Variants in L3MBTL1 observed in about 807,000 individuals in gnomAD.
L3MBTL1 encodes lethal(3)malignant brain tumor-like protein 1.
L3MBTL1 carries 75 observed loss-of-function variants against 105.3 expected under a neutral mutation model. That is an observed-to-expected ratio of 0.71 (90% CI 0.59 to 0.86). L3MBTL1 has a LOEUF of 0.86. Ranked by LOEUF, L3MBTL1 falls within the 40% of genes least tolerant of loss-of-function variation. The pLI is 0.00. For missense variants in L3MBTL1, 1,069 were observed against 1,126.4 expected (o/e 0.95, Z 0.73); for synonymous variants, 452 against 436.2 (o/e 1.04, Z -0.45).
Position 43,548,238 on chromosome 20 carries a change from T to TA in L3MBTL1, c.2255dup (p.Ter753ValfsTer26). ...ATGTTCAAAAACGCTGATGACACCT[T>TA]AAAGTGACTGGCCCAGGGCTGGGCC... is the stretch of plus-strand genomic sequence containing the variant. On this transcript the variant is annotated frameshift_variant, in exon 19 of 19. Transcript: ENST00000422861. LOFTEE classifies it high-confidence loss of function. 2 of 1,303,890 alleles carry TA rather than the reference T, an allele frequency of 1.5e-6. No homozygotes were observed. The highest frequency in any genetic ancestry group is 2.0e-6 in the Non-Finnish European group (2 of 989,018). 80.8% of individuals were successfully genotyped at this position (1,303,890 alleles called of 1,614,324 possible).
intron 19 of L3MBTL1, chr20:43,539,922 G>C (rs150713843): frequency 1.9e-5 from 12 of 617,282 alleles, no homozygotes; most frequent in South Asian, 1.8e-4. Flanking sequence ...GGGTCATTCC[G>C]AATAGCTGAC....
At chr20:43,528,781 C>T (rs758581776) in intron 8 of L3MBTL1, 36 bp downstream of exon 8, 448 of 1,516,926 alleles carry the variant, frequency 3.0e-4, no homozygotes, top group Non-Finnish European at 3.9e-4. Context: ...AACAGCTTGT[C>T]TTCCTAGCCT....
chr20:43,523,490 T>G (rs1002547118), intron 7 of L3MBTL1: 10 of 254,580 alleles, frequency 3.9e-5, no homozygotes, highest in Non-Finnish European at 6.4e-5. Flanking sequence ...GCATAGTCAG[T>G]GATCCCTCCA....
Position 43,514,065 on chromosome 20 carries a change from AGT to A in L3MBTL1, c.360+7_360+8del. ...GCCCCCAGGGGGCGGCCTGCGGGTCAGTGTCTGTGGGGATTGGCTAAGCCTCG... is the reference window on the plus strand; with the variant it reads ...GCCCCCAGGGGGCGGCCTGCGGGTCAGTCTGTGGGGATTGGCTAAGCCTCG... On this transcript the variant is annotated splice_donor_5th_base_variant and intron_variant, in intron 3 of 21. Coordinates refer to ENST00000418998, the MANE Select transcript of L3MBTL1 (RefSeq NM_001377303.1). 6.5e-7 allele frequency: 1 copy of A among 1,532,240 alleles called. No homozygotes were observed. The highest frequency in any genetic ancestry group is 8.7e-7 in the Non-Finnish European group (1 of 1,145,258). 94.9% of individuals were successfully genotyped at this position (1,532,240 alleles called of 1,614,324 possible).
chr20:43,534,210 C>T, intron 14 of L3MBTL1, 74 bp from the exon 15 acceptor site: 1 of 1,541,948 alleles, frequency 6.5e-7, no homozygotes. Context: ...CCAGGCACAG[C>T]ATTTGGGCTC....
intron 7 of L3MBTL1, among the ~76,000 whole-genome samples, chr20:43,527,497 A>G (rs2019093419): frequency 6.8e-6 from 1 of 147,338 alleles, no homozygotes; most frequent in Non-Finnish European, 1.5e-5. Flanking sequence ...GGACCCTGAG[A>G]CTTGGAGGCA....
chr20:43,513,719 G>C, intron 2 of L3MBTL1, 80 bp downstream of exon 2: 1 of 1,545,354 alleles, frequency 6.5e-7, no homozygotes, highest in East Asian at 2.4e-5. Context: ...CTGGAGAGGG[G>C]ATGACCGTTT....
chr20:43,541,042 C>T lies in L3MBTL1; in HGVS notation c.2503C>T (p.Leu835=). 1 of 1,614,192 alleles carries T rather than the reference C, an allele frequency of 6.2e-7. No individual in the cohort carries two copies. The highest frequency in any genetic ancestry group is 8.5e-7 in the Non-Finnish European group (1 of 1,180,032). Residue 835 remains leucine (L), a synonymous_variant, in exon 22 of 22, where the codon CTG becomes TTG. Transcript: ENST00000418998. ...TCATCTTCAGGAAGGAAAAGGCATC[C>T]TGGAGACAGGAGTCCATTCACTCCT... ...SDHLQEGKGI[L]ETGVHSLLCS...
downstream of L3MBTL1, among the ~76,000 whole-genome samples, chr20:43,546,012 G>A (rs1482307144): frequency 6.6e-6 from 1 of 152,236 alleles, no homozygotes; most frequent in Admixed American, 6.5e-5. Flanking sequence ...CCTGACTTAT[G>A]TCAGGTAAGC....
At chr20:43,514,289 C>G in intron 3 of L3MBTL1, 1 of 816,246 alleles carries the variant, frequency 1.2e-6, no homozygotes, top group Admixed American at 2.9e-5. Flanking sequence ...TGGGACTGGG[C>G]CTGTGGGTGT....
intron 19 of L3MBTL1, among the ~76,000 whole-genome samples, chr20:43,538,417 C>T (rs1487803563): frequency 6.6e-6 from 1 of 152,204 alleles, no homozygotes; most frequent in Non-Finnish European, 1.5e-5. Context: ...GAGCAGGGGT[C>T]ATTGCCCAGG....
rs1370158387 is a variant in L3MBTL1, at chr20:43,514,001, C to T, written c.300C>T (p.Ser100=). Residue 100 remains serine (S), a synonymous_variant, in exon 3 of 22, where the codon AGC becomes AGT. Coordinates refer to ENST00000418998, the MANE Select transcript of L3MBTL1 (RefSeq NM_001377303.1). ...CCGGGCCGGCCAGCTCCAGCACCAG[C>T]ACAGTGCGGCTTCTGGAATGGACAG... ...LSAGPASSST[S]TVRLLEWTEA... is the part of the protein sequence containing the mutation. 6.5e-7 allele frequency: 1 copy of T among 1,542,830 alleles called. No homozygotes were observed. The highest frequency in any genetic ancestry group is 1.4e-5 in the African/African-American group (1 of 73,156).
intron 7 of L3MBTL1, among the ~76,000 whole-genome samples, chr20:43,524,055 G>A (rs2018886155): frequency 6.6e-6 from 1 of 150,930 alleles, no homozygotes; most frequent in Non-Finnish European, 1.5e-5. Flanking sequence ...TGGAACTCCT[G>A]GCCTTAAGCA....
chr20:43,517,401 T>A (rs1600901194), intron 7 of L3MBTL1, among the ~76,000 whole-genome samples: 2 of 152,088 alleles, frequency 1.3e-5, no homozygotes. Context: ...GCCTTTTTTT[T>A]AATTTTAATT....
intron 7 of L3MBTL1, among the ~76,000 whole-genome samples, chr20:43,516,736 C>A (rs2018413780): frequency 6.6e-6 from 1 of 151,970 alleles, no homozygotes; most frequent in East Asian, 1.9e-4. Context: ...CTTCTGCCCT[C>A]AAAACCATCA....
Position 43,536,456 on chromosome 20 carries a change from A to T in L3MBTL1, c.2171A>T (p.Gln724Leu), listed in dbSNP as rs1394545366. 1 of 1,613,846 alleles carries T rather than the reference A, an allele frequency of 6.2e-7. No homozygotes were observed. Among genetic ancestry groups the T allele is most frequent in the African/African-American group, 1.3e-5 (1 of 74,946 alleles). Residue 724 changes from glutamine to leucine, a missense_variant and splice_region_variant, in exon 19 of 22, where the codon CAG becomes CTG. Gln to Leu is a moderately radical substitution (Grantham distance 113). Coordinates refer to ENST00000418998, the MANE Select transcript of L3MBTL1 (RefSeq NM_001377303.1). ...KYRKIPQEDF[Q>L]TLTPDVVHQS... ...CGAAAGATTCCGCAGGAAGATTTCCAGAGTAAGTCTGGGTTATCTGCTCCT... is the reference window on the plus strand; with the variant it reads ...CGAAAGATTCCGCAGGAAGATTTCCTGAGTAAGTCTGGGTTATCTGCTCCT...
At chr20:43,524,708 A>G (rs1338121258) in intron 7 of L3MBTL1, among the ~76,000 whole-genome samples, 2 of 151,966 alleles carry the variant, frequency 1.3e-5, no homozygotes, top group Non-Finnish European at 2.9e-5. Context: ...AACTATGGCT[A>G]CGTCTTGAAG....
intron 6 of L3MBTL1, 30 bp downstream of exon 6, chr20:43,515,445 G>A (rs1047181187): frequency 2.6e-6 from 4 of 1,546,414 alleles, no homozygotes; most frequent in African/African-American, 2.7e-5. Context: ...GAAGGGAGGG[G>A]GAAGCTATAG....
intron 15 of L3MBTL1, chr20:43,534,611 C>T (rs1032838929): frequency 2.0e-5 from 12 of 609,048 alleles, no homozygotes; most frequent in African/African-American, 1.5e-4. Flanking sequence ...TAATAATCCT[C>T]GTCCCACCTA....
Sources: gnomAD v4.1 joint callset for allele counts (sites outside exome capture counted in the v4.1 genomes callset) on GRCh38, gnomAD v4.1.1 for gene constraint, MANE v1.5 for transcripts, NCBI Gene and HGNC (gene_info 2026-07-23, HGNC 2026-07-21) for gene names.